Variants in CDH4 observed in about 807,000 individuals in gnomAD.
CDH4 encodes the protein cadherin-4.
CDH4 carries 33 observed loss-of-function variants against 86.0 expected under a neutral mutation model. The observed-to-expected ratio is 0.38, with a 90% CI of 0.29 to 0.51. The LOEUF is 0.51. Ranked by LOEUF, CDH4 falls within the 20% of genes least tolerant of loss-of-function variation. CDH4 has a pLI of 0.86. For missense variants in CDH4, 1,114 were observed against 1,307.4 expected (o/e 0.85, Z 2.28); for synonymous variants, 555 against 549.4 (o/e 1.01, Z -0.14).
At chr20:61,266,029 A>G (rs187209020) in intron 2 of CDH4, among the ~76,000 whole-genome samples, 1 of 152,254 alleles carries the variant, frequency 6.6e-6, no homozygotes, top group African/African-American at 2.4e-5. Flanking sequence ...CCTCGTTTGG[A>G]TTCACTGTGC....
chr20:61,327,493 A>C (rs905246418), intron 2 of CDH4, among the ~76,000 whole-genome samples: 6 of 152,330 alleles, frequency 3.9e-5, no homozygotes, highest in African/African-American at 1.4e-4. Context: ...ATGCAGAATA[A>C]AACTCTGATC....
At chr20:61,498,928 T>G (rs1307442721) in intron 2 of CDH4, among the ~76,000 whole-genome samples, 2 of 152,166 alleles carry the variant, frequency 1.3e-5, no homozygotes, top group Admixed American at 6.5e-5. Flanking sequence ...AACCTAGCAT[T>G]CAGCCCCAGC....
chr20:61,687,436 G>A (rs1331753677), intron 2 of CDH4, among the ~76,000 whole-genome samples: 2 of 152,168 alleles, frequency 1.3e-5, no homozygotes, highest in Admixed American at 1.3e-4. Context: ...GGGCGCCCCC[G>A]GGGACCCACA....
At chr20:61,694,380 G>A (rs868737770) in intron 2 of CDH4, among the ~76,000 whole-genome samples, 1 of 152,158 alleles carries the variant, frequency 6.6e-6, no homozygotes. Flanking sequence ...CCCTTCCCAG[G>A]CTTGAGGCGG....
chr20:61,296,428 CAGGGCTGGG>C (rs1209441174), intron 2 of CDH4, among the ~76,000 whole-genome samples: 1 of 151,834 alleles, frequency 6.6e-6, no homozygotes, highest in African/African-American at 2.4e-5. Context: ...ACACTTCAGG[CAGGGCTGGG>C]CCTGCCTGAC....
chr20:61,338,002 C>G (rs2084628787), intron 2 of CDH4, among the ~76,000 whole-genome samples: 1 of 152,078 alleles, frequency 6.6e-6, no homozygotes, highest in Non-Finnish European at 1.5e-5. Context: ...CCAAGGACTC[C>G]TACTCTTCAT....
intron 2 of CDH4, among the ~76,000 whole-genome samples, chr20:61,455,309 G>T (rs1174664633): frequency 6.6e-6 from 1 of 152,226 alleles, no homozygotes; most frequent in Non-Finnish European, 1.5e-5. Context: ...GCTTGTCCAT[G>T]AAACCTCTGT....
At chr20:61,722,126 A>G (rs2088049295) in intron 2 of CDH4, among the ~76,000 whole-genome samples, 1 of 152,218 alleles carries the variant, frequency 6.6e-6, no homozygotes, top group Non-Finnish European at 1.5e-5. Flanking sequence ...CCAGGCCAAG[A>G]AGAAATGGCA....
chr20:61,878,375 T>C (rs1387567468), intron 7 of CDH4, among the ~76,000 whole-genome samples: 5 of 152,192 alleles, frequency 3.3e-5, no homozygotes, highest in South Asian at 2.1e-4. Flanking sequence ...CTGGCTCCAT[T>C]TGGGTACAGA....
intron 15 of CDH4, among the ~76,000 whole-genome samples, chr20:61,934,875 C>G (rs930039736): frequency 6.6e-6 from 1 of 152,262 alleles, no homozygotes; most frequent in African/African-American, 2.4e-5. Flanking sequence ...GCAGCACACC[C>G]CAGCCTTCCA....
At position 61,807,355 on chromosome 20, in the gene CDH4, G is replaced by A. The variant is rs1001254960; in HGVS notation, c.576+34173G>A. On this transcript the variant is annotated intron_variant, in intron 4 of 15. Coordinates refer to ENST00000614565, the MANE Select transcript of CDH4 (RefSeq NM_001794.5). The surrounding 1 kb of genome is among the most constrained non-coding windows in gnomAD (Gnocchi z 4.5). ...GTCTTTGGATCTCAGGAGAGTGGGC[G>A]GTGGGAGAGGATTCCCTGAGCTGTA... is the stretch of plus-strand genomic sequence containing the variant. Among the ~76,000 whole-genome samples the A allele has an allele frequency of 3.3e-5, 5 of 152,234 alleles. No individual in the cohort carries two copies. The highest frequency in any genetic ancestry group is 1.9e-4 in the East Asian group (1 of 5,190).
At chr20:61,478,616 T>C (rs1172164327) in intron 2 of CDH4, among the ~76,000 whole-genome samples, 2 of 152,228 alleles carry the variant, frequency 1.3e-5, no homozygotes, top group Non-Finnish European at 2.9e-5. Flanking sequence ...TTGGGCATCA[T>C]GTCTTGATCT....
intron 2 of CDH4, among the ~76,000 whole-genome samples, chr20:61,431,716 T>C (rs1253037770): frequency 6.6e-6 from 1 of 152,240 alleles, no homozygotes; most frequent in Non-Finnish European, 1.5e-5. Context: ...TTTTGACATA[T>C]GAAAACATGA....
At position 61,870,117 on chromosome 20, in the gene CDH4, G is replaced by C. The variant is rs550341937; in HGVS notation, c.878-3611G>C. ...GGTGCTGGGAGTCCTGGGCTGACTC[G>C]CTGTCCCTCCACCTCCCCCAGCCAG... is the stretch of plus-strand genomic sequence containing the variant. On this transcript the variant is annotated intron_variant, in intron 6 of 15. Transcript: ENST00000614565. Among the ~76,000 whole-genome samples the C allele has an allele frequency of 1.3e-3, 203 of 152,304 alleles. 7 individuals carry two copies. The South Asian group carries it at 0.04, about 30-fold the overall frequency.
chr20:61,632,051 C>T (rs993704884), intron 2 of CDH4, among the ~76,000 whole-genome samples: 5 of 152,242 alleles, frequency 3.3e-5, no homozygotes, highest in African/African-American at 9.6e-5. Flanking sequence ...TCTGCTGACA[C>T]GTCAGATCAT....
At chr20:61,502,737 GTTA>G (rs2085713495) in intron 2 of CDH4, among the ~76,000 whole-genome samples, 1 of 152,184 alleles carries the variant, frequency 6.6e-6, no homozygotes, top group South Asian at 2.1e-4. Flanking sequence ...AGAAACTGCC[GTTA>G]TTTTCTTTTT....
At chr20:61,702,381 T>G (rs1486070078) in intron 2 of CDH4, among the ~76,000 whole-genome samples, 1 of 152,166 alleles carries the variant, frequency 6.6e-6, no homozygotes, top group Non-Finnish European at 1.5e-5. Context: ...AGGAGCCACG[T>G]AATGGGTCCC....
chr20:61,775,790 T>C (rs894705842), intron 4 of CDH4, among the ~76,000 whole-genome samples: 19 of 152,230 alleles, frequency 1.2e-4, no homozygotes, highest in African/African-American at 4.3e-4. Context: ...CTCTGTTATC[T>C]TAGCACAACT....
chr20:61,538,248 G>A (rs1239394857), intron 2 of CDH4, among the ~76,000 whole-genome samples: 1 of 152,156 alleles, frequency 6.6e-6, no homozygotes, highest in African/African-American at 2.4e-5. Context: ...CGTTTTCTAG[G>A]GCTGATCCAG....
Sources: gnomAD v4.1 joint callset for allele counts (sites outside exome capture counted in the v4.1 genomes callset) on GRCh38, gnomAD v4.1.1 for gene constraint, Gnocchi (gnomAD v3.1) non-coding constraint, MANE v1.5 for transcripts, NCBI Gene and HGNC (gene_info 2026-07-23, HGNC 2026-07-21) for gene names.